Variants in MFN1 observed in about 807,000 individuals in gnomAD.
MFN1 encodes mitofusin-1.
MFN1 carries 65 observed loss-of-function variants against 92.4 expected under a neutral mutation model. The observed-to-expected ratio is 0.70, with a 90% CI of 0.58 to 0.86. The LOEUF is 0.86. Ranked by LOEUF, MFN1 falls within the 40% of genes least tolerant of loss-of-function variation. MFN1 has a pLI of 0.00. For missense variants in MFN1, 781 were observed against 868.0 expected, an observed-to-expected ratio of 0.90 and a Z score of 1.26; for synonymous variants, 297 against 300.9, an observed-to-expected ratio of 0.99 and a Z score of 0.13.
At chr3:179,354,855 C>T (rs191175461) in intron 3 of MFN1, among the ~76,000 whole-genome samples, 5 of 152,226 alleles carry the variant, frequency 3.3e-5, no homozygotes, top group East Asian at 1.9e-4. Context: ...AGCGCAGTGG[C>T]GTGATCTTGG....
intron 2 of MFN1, among the ~76,000 whole-genome samples, chr3:179,350,332 A>G (rs1712096237): frequency 6.6e-6 from 1 of 152,002 alleles, no homozygotes. Context: ...CCTGGGATTC[A>G]TTGTATTCCT....
chr3:179,366,452 G>A (rs1712799147), intron 7 of MFN1, among the ~76,000 whole-genome samples: 1 of 150,866 alleles, frequency 6.6e-6, no homozygotes, highest in South Asian at 2.1e-4. Flanking sequence ...TCTGGAATTT[G>A]AACTATAAAT....
intron 9 of MFN1, among the ~76,000 whole-genome samples, chr3:179,374,823 T>C (rs1257195940): frequency 2.6e-5 from 4 of 152,230 alleles, no homozygotes; most frequent in African/African-American, 9.6e-5. Flanking sequence ...TTAAGAACTT[T>C]ACTAGGTTAT....
At chr3:179,377,716 T>C (rs1173465984) in intron 12 of MFN1, among the ~76,000 whole-genome samples, 1 of 152,152 alleles carries the variant, frequency 6.6e-6, no homozygotes, top group African/African-American at 2.4e-5. Flanking sequence ...GGAGGATCAG[T>C]TGGGCCCCAG....
At position 179,378,736 on chromosome 3, in the gene MFN1, G is replaced by A. The variant is rs1713352628; in HGVS notation, c.1584G>A (p.Trp528Ter). ...TTGTATTTCGTTTTTCCCTGGGCTG[G>A]TCTTCCCTTGTACATCGATTTTTGG... is the stretch of plus-strand genomic sequence containing the variant. The part of the protein sequence containing the change: ...EDIVFRFSLG[W>*]SSLVHRFLGP... Residue 528 changes from tryptophan (W) to a stop codon, truncating the protein, a stop_gained, in exon 14 of 18, where the codon TGG becomes TGA. Coordinates refer to ENST00000471841, the MANE Select transcript of MFN1 (RefSeq NM_033540.3). LOFTEE classifies it high-confidence loss of function. 1 of 1,613,892 alleles carries A rather than the reference G, an allele frequency of 6.2e-7. No individual in the cohort carries two copies. Among genetic ancestry groups the A allele is most frequent in the African/African-American group, 1.3e-5 (1 of 74,878 alleles).
chr3:179,378,822 TCTTTGAATCTAC>T lies in MFN1; in HGVS notation c.1662+10_1662+21del. On this transcript the variant is annotated intron_variant, in intron 14 of 17. Transcript: ENST00000471841. ...TCAGAGCCTATCTTTCAGGTATGTA[TCTTTGAATCTAC>T]CAATTAAGACTCTCCTTTATTATTT... 6.3e-7 allele frequency: 1 copy of T among 1,577,678 alleles called. No homozygotes were observed. The highest frequency in any genetic ancestry group is 8.7e-7 in the Non-Finnish European group (1 of 1,148,838).
At chr3:179,374,335 A>AAT (rs1380565461) in intron 9 of MFN1, among the ~76,000 whole-genome samples, 3 of 134,526 alleles carry the variant, frequency 2.2e-5, no homozygotes, top group Admixed American at 1.6e-4. Flanking sequence ...ATATATATGT[A>AAT]ATATATATAT....
At chr3:179,352,805 G>T (rs1560189136) in intron 3 of MFN1, among the ~76,000 whole-genome samples, 1 of 151,990 alleles carries the variant, frequency 6.6e-6, no homozygotes, top group Non-Finnish European at 1.5e-5. Context: ...ACGCTGGAGT[G>T]CAGTGGCACA....
At chr3:179,362,103 A>G (rs1712602920) in intron 4 of MFN1, among the ~76,000 whole-genome samples, 1 of 152,254 alleles carries the variant, frequency 6.6e-6, no homozygotes, top group South Asian at 2.1e-4. Flanking sequence ...CAGAGACTCC[A>G]GAACTTATAT....
chr3:179,367,967 A>T, intron 8 of MFN1, 69 bp from the exon 9 acceptor site: 7 of 892,120 alleles, frequency 7.8e-6, no homozygotes, highest in Non-Finnish European at 1.1e-5. Flanking sequence ...AAATTATAAA[A>T]TCAGTAGCCT....
intron 14 of MFN1, among the ~76,000 whole-genome samples, chr3:179,379,675 C>G (rs1713393071): frequency 6.6e-6 from 1 of 152,038 alleles, no homozygotes; most frequent in East Asian, 1.9e-4. Context: ...TTTAAAAGGC[C>G]TACAGATACC....
chr3:179,359,152 C>T, intron 4 of MFN1, 150 bp downstream of exon 4: 1 of 991,036 alleles, frequency 1.0e-6, no homozygotes, highest in Non-Finnish European at 1.3e-6. Flanking sequence ...CGGAATTTCG[C>T]TCTTGTCGCC....
chr3:179,369,516 T>A (rs567879354), intron 9 of MFN1, among the ~76,000 whole-genome samples: 1 of 152,340 alleles, frequency 6.6e-6, no homozygotes, highest in Non-Finnish European at 1.5e-5. Context: ...TGTTACACAT[T>A]TATACTGCTT....
chr3:179,378,747 T>C lies in MFN1; in HGVS notation c.1595T>C (p.Val532Ala). The C allele has an allele frequency of 1.2e-6, 2 of 1,614,088 alleles. No homozygotes were observed. Among genetic ancestry groups the C allele is most frequent in the Non-Finnish European group, 1.7e-6 (2 of 1,179,968 alleles). ...TTTTCCCTGGGCTGGTCTTCCCTTG[T>C]ACATCGATTTTTGGGCCCTAGAAAT... ...FRFSLGWSSL[V>A]HRFLGPRNAQ... is the part of the protein sequence containing the mutation. Residue 532 changes from valine to alanine, a missense_variant, in exon 14 of 18, where the codon GTA becomes GCA. Transcript: ENST00000471841.
intron 15 of MFN1, among the ~76,000 whole-genome samples, 192 bp from the exon 16 acceptor site, chr3:179,386,241 C>T (rs1413788412): frequency 6.6e-6 from 1 of 152,020 alleles, no homozygotes; most frequent in Non-Finnish European, 1.5e-5. Flanking sequence ...TAAAGCTCTC[C>T]CTCATTTGTG....
chr3:179,357,229 G>GA (rs1283842515), intron 3 of MFN1, among the ~76,000 whole-genome samples: 12 of 152,286 alleles, frequency 7.9e-5, no homozygotes, highest in Non-Finnish European at 2.9e-5. Context: ...GTCAGTATCT[G>GA]GTGTTACATG....
chr3:179,357,533 A>G (rs1712391138), intron 3 of MFN1, among the ~76,000 whole-genome samples: 1 of 152,204 alleles, frequency 6.6e-6, no homozygotes, highest in Non-Finnish European at 1.5e-5. Context: ...TAACATAAAG[A>G]AAAGTTCTTT....
rs1712389293 is a variant in MFN1 at position 179,357,465 on chromosome 3, A to G, written c.249-1375A>G. On this transcript the variant is annotated intron_variant, in intron 3 of 17. Coordinates refer to ENST00000471841, the MANE Select transcript of MFN1 (RefSeq NM_033540.3). ...TGTGGTATATTGGCAATAGAAGCCA[A>G]TGTTGAGCTAATGAAGGCAAGAAGG... Among the ~76,000 whole-genome samples the G allele has an allele frequency of 2.0e-5, 3 of 152,220 alleles. No homozygotes were observed. The South Asian group carries it at 6.2e-4, about 32-fold the overall frequency.
chr3:179,359,046 G>A, intron 4 of MFN1, 44 bp downstream of exon 4: 1 of 1,507,164 alleles, frequency 6.6e-7, no homozygotes, highest in South Asian at 1.4e-5. Context: ...CTGAAACAAT[G>A]TCCTGAACTT....
Sources: allele counts gnomAD v4.1 joint callset (sites outside exome capture counted in the v4.1 genomes callset), GRCh38; gene constraint gnomAD v4.1.1; transcripts MANE v1.5; gene names NCBI Gene and HGNC (gene_info 2026-07-23, HGNC 2026-07-21).